Variants in SEMA5A observed in about 807,000 individuals in gnomAD.
SEMA5A encodes the protein semaphorin-5A.
Under a neutral mutation model 135.5 loss-of-function variants are expected in SEMA5A, and 55 were observed. The ratio of observed to expected loss-of-function variants is 0.41; its 90% CI spans 0.33 to 0.51. SEMA5A has a LOEUF of 0.51. Ranked by LOEUF, SEMA5A falls within the 20% of genes least tolerant of loss-of-function variation. The pLI is 0.37. For synonymous variants in SEMA5A, 580 were observed against 546.5 expected (o/e 1.06, Z -0.85); for missense variants, 1,290 against 1,419.9 (o/e 0.91, Z 1.47).
intron 1 of SEMA5A, among the ~76,000 whole-genome samples, chr5:9,502,014 T>A (rs1402202054): frequency 6.6e-6 from 1 of 152,346 alleles, no homozygotes; most frequent in Middle Eastern, 3.4e-3. Flanking sequence ...GCCTAGAGAC[T>A]ATATTCAAAC....
At chr5:9,384,633 TAGATAGATAG>T (rs1755783467) in intron 2 of SEMA5A, among the ~76,000 whole-genome samples, 3 of 118,602 alleles carry the variant, frequency 2.5e-5, no homozygotes, top group Admixed American at 8.5e-5. Flanking sequence ...GATAGATAGA[TAGATAGATAG>T]ATAGATAGAT....
intron 11 of SEMA5A, among the ~76,000 whole-genome samples, chr5:9,181,782 CA>C (rs1174171788): frequency 2.0e-5 from 3 of 152,110 alleles, no homozygotes; most frequent in Non-Finnish European, 4.4e-5. Context: ...ATGACAGGTG[CA>C]AAACTGTCTG....
chr5:9,401,255 G>A (rs72727296), intron 2 of SEMA5A, among the ~76,000 whole-genome samples: 29,749 of 152,054 alleles, frequency 0.2, 3,079 homozygotes, highest in South Asian at 0.23. Flanking sequence ...GCGCCACACT[G>A]CCTGGACCTA....
chr5:9,059,489 C>T (rs1034633455), intron 18 of SEMA5A, among the ~76,000 whole-genome samples: 1 of 152,196 alleles, frequency 6.6e-6, no homozygotes, highest in Non-Finnish European at 1.5e-5. Flanking sequence ...TTATACACAT[C>T]AGTCTTAGAG....
At chr5:9,214,966 A>G (rs1212824256) in intron 8 of SEMA5A, among the ~76,000 whole-genome samples, 1 of 152,204 alleles carries the variant, frequency 6.6e-6, no homozygotes, top group East Asian at 1.9e-4. Flanking sequence ...GGAGGAGAGA[A>G]GCGCCCCTTC....
intron 3 of SEMA5A, among the ~76,000 whole-genome samples, chr5:9,350,824 C>T (rs1754081160): frequency 6.6e-6 from 1 of 152,194 alleles, no homozygotes; most frequent in Admixed American, 6.5e-5. Context: ...CCCCACATGC[C>T]TTTTATGGGT....
intron 2 of SEMA5A, among the ~76,000 whole-genome samples, chr5:9,386,341 G>A (rs985701666): frequency 5.9e-5 from 9 of 152,114 alleles, no homozygotes; most frequent in Admixed American, 1.3e-4. Context: ...ATAGTTCTGC[G>A]TATTGAAAAA....
At chr5:9,197,747 TG>T (rs1561011208) in intron 9 of SEMA5A, among the ~76,000 whole-genome samples, 17,992 of 134,148 alleles carry the variant, frequency 0.13, 1,384 homozygotes, top group Admixed American at 0.16. Context: ...TGTGTGTGTG[TG>T]TGTGTGTGTG....
intron 5 of SEMA5A, among the ~76,000 whole-genome samples, chr5:9,284,837 A>G (rs1207712257): frequency 6.6e-6 from 1 of 152,236 alleles, no homozygotes; most frequent in Non-Finnish European, 1.5e-5. Flanking sequence ...AATGTAGCAC[A>G]CATTGCTTCA....
intron 12 of SEMA5A, among the ~76,000 whole-genome samples, chr5:9,137,204 CTCT>C (rs1741807009): frequency 6.6e-6 from 1 of 152,188 alleles, no homozygotes; most frequent in African/African-American, 2.4e-5. Flanking sequence ...ACATCCAAAA[CTCT>C]TCAACATGAA....
intron 3 of SEMA5A, among the ~76,000 whole-genome samples, chr5:9,353,809 T>C (rs1723930379): frequency 1.3e-5 from 2 of 151,782 alleles, no homozygotes; most frequent in African/African-American, 2.4e-5. Flanking sequence ...AGGGAAAAAA[T>C]AAAATAAAAA....
chr5:9,383,682 T>C (rs1051991951), intron 2 of SEMA5A, among the ~76,000 whole-genome samples: 5 of 152,186 alleles, frequency 3.3e-5, no homozygotes, highest in African/African-American at 1.2e-4. Context: ...ACATAGTTTT[T>C]CAACGTGCAC....
intron 5 of SEMA5A, among the ~76,000 whole-genome samples, chr5:9,241,794 A>T (rs1037985505): frequency 1.3e-5 from 2 of 152,154 alleles, no homozygotes; most frequent in Non-Finnish European, 2.9e-5. Context: ...ATACATATAA[A>T]TCCACAGTTC....
At chr5:9,265,616 C>T in intron 5 of SEMA5A, 1 of 448,666 alleles carries the variant, frequency 2.2e-6, no homozygotes, top group Non-Finnish European at 4.5e-6. Flanking sequence ...TTCAGCTATC[C>T]CCATAACTCT....
chr5:9,414,073 G>A (rs953193870), intron 2 of SEMA5A, among the ~76,000 whole-genome samples: 4 of 152,006 alleles, frequency 2.6e-5, no homozygotes, highest in South Asian at 2.1e-4. Context: ...TAACAAGTGA[G>A]AGCCAAAAGG....
intron 11 of SEMA5A, among the ~76,000 whole-genome samples, chr5:9,166,133 T>C (rs900924123): frequency 1.2e-4 from 19 of 152,170 alleles, no homozygotes; most frequent in Non-Finnish European, 2.5e-4. Context: ...TCACAAAGTA[T>C]TAATATTTTA....
At chr5:9,192,287 G>A (rs1745153665) in intron 10 of SEMA5A, among the ~76,000 whole-genome samples, 1 of 152,266 alleles carries the variant, frequency 6.6e-6, no homozygotes. Context: ...CCTGTCCGGT[G>A]GCTAGGAAAA....
intron 2 of SEMA5A, among the ~76,000 whole-genome samples, chr5:9,409,965 G>A (rs1757042539): frequency 6.8e-6 from 1 of 148,128 alleles, no homozygotes. Context: ...CAGGCACAAT[G>A]GAACCCTGAT....
At chr5:9,380,898 G>A (rs1424116874) in intron 2 of SEMA5A, among the ~76,000 whole-genome samples, 1 of 151,536 alleles carries the variant, frequency 6.6e-6, no homozygotes, top group African/African-American at 2.4e-5. Context: ...AGGATAAAGA[G>A]GATTTCAACA....
Sources: allele counts gnomAD v4.1 joint callset (sites outside exome capture counted in the v4.1 genomes callset), GRCh38; gene constraint gnomAD v4.1.1; transcripts MANE v1.5; gene names NCBI Gene and HGNC (gene_info 2026-07-23, HGNC 2026-07-21).